PASK: variants seen among roughly 807,000 people sequenced by gnomAD.
PASK encodes PAS domain containing serine/threonine kinase, also known as PAS domain-containing serine/threonine-protein kinase.
PASK carries 110 observed loss-of-function variants against 121.0 expected under a neutral mutation model. That is an observed-to-expected ratio of 0.91 (90% CI 0.78 to 1.06). The LOEUF is 1.06. PASK is among the 50% of genes least tolerant of loss of function. PASK has a pLI of 0.00. For synonymous variants in PASK, 686 were observed against 717.8 expected, an observed-to-expected ratio of 0.96 and a Z score of 0.71; for missense variants, 1,643 against 1,702.3, an observed-to-expected ratio of 0.97 and a Z score of 0.61.
chr2:241,132,430 T>C (rs1014033863), intron 9 of PASK, among the ~76,000 whole-genome samples: 4 of 137,958 alleles, frequency 2.9e-5, no homozygotes, highest in Non-Finnish European at 6.0e-5. Context: ...GGCAGGAGAA[T>C]GGTGTGAACC....
rs1164184677 is a variant in PASK, at chr2:241,138,073, T to C, written c.756A>G (p.Ser252=). Residue 252 remains serine (S), a synonymous_variant, in exon 6 of 18, where the codon TCA becomes TCG. Transcript: ENST00000234040. ...GAAGATGAGCAAAGAGACTGTCACA[T>C]GACGTGACGGTGCCCTGGAGGAAAA... The part of the protein sequence containing the change: ...VAFQSDGTVT[S]CDSLFAHLHG... 7 of 1,614,124 alleles carry C rather than the reference T, an allele frequency of 4.3e-6. No individual in the cohort carries two copies. In the South Asian group the frequency reaches 6.6e-5, roughly 15 times the overall value.
chr2:241,133,023 C>G lies in PASK; in HGVS notation c.1314G>C (p.Arg438Ser). The G allele has an allele frequency of 6.2e-7, 1 of 1,614,042 alleles. No homozygotes were observed. The highest frequency in any genetic ancestry group is 2.2e-5 in the East Asian group (1 of 44,890). The stretch of plus-strand genomic sequence containing the variant: ...GGCCACCAGCAAGCACGACATTAAT[C>G]CTTGGATCTGGCAGCAACACCAAAA... ...QDPAEGGQDP[R>S]INVVLAGGHV... The change falls in exon 9 of 18, where the codon AGG becomes AGC. Residue 438 changes from arginine to serine, a missense_variant. Arg to Ser is a moderately radical substitution (Grantham distance 110). This residue lies in a region of PASK where 1,176 missense variants were observed against 1,162.2 expected (regional missense o/e 1.01). Transcript: ENST00000234040.
chr2:241,122,464 C>G (rs1395427066), intron 12 of PASK, among the ~76,000 whole-genome samples: 1 of 152,242 alleles, frequency 6.6e-6, no homozygotes, highest in Non-Finnish European at 1.5e-5. Context: ...GATGTGGGAT[C>G]TCAACACAAT....
rs768832046 is a variant in PASK, at chr2:241,124,071, G to A, written c.2782C>T (p.Leu928=). 2.5e-6 allele frequency: 4 copies of A among 1,613,676 alleles called. No homozygotes were observed. The highest frequency in any genetic ancestry group is 2.5e-6 in the Non-Finnish European group (3 of 1,179,888). Residue 928 remains leucine, a synonymous_variant, in exon 11 of 18, where the codon CTG becomes TTG. Transcript: ENST00000234040. ...QGPTPLFCCW[L]VKDLLHSQRD... is the part of the protein sequence containing the mutation. ...TGGCTGTGGAGGAGGTCTTTCACCA[G>A]CCAGCAGCAGAACAGAGGTGTGGGG... is the stretch of plus-strand genomic sequence containing the variant.
intron 8 of PASK, chr2:241,133,982 CAAAAAAA>C (rs371863045): frequency 1.7e-5 from 2 of 118,064 alleles, no homozygotes; most frequent in African/African-American, 3.3e-5. Context: ...AACTCTGTCT[CAAAAAAA>C]AAAAAAAAAA....
At chr2:241,137,883 C>T (rs75518795) in intron 6 of PASK, 70 bp downstream of exon 6, 625 of 1,555,512 alleles carry the variant, frequency 4.0e-4, no homozygotes, top group Non-Finnish European at 5.1e-4. Context: ...CCTTGGTCTG[C>T]GTCTCCAGTT....
At chr2:241,120,713 C>T (rs2065570694) in intron 12 of PASK, among the ~76,000 whole-genome samples, 2 of 152,196 alleles carry the variant, frequency 1.3e-5, no homozygotes, top group East Asian at 1.9e-4. Flanking sequence ...AACCCTTGTA[C>T]ACTGCTGATG....
rs56043607 is a variant in PASK, at chr2:241,126,341, C to T, written c.2574G>A (p.Thr858=). 15,802 of 1,614,222 alleles carry T rather than the reference C, an allele frequency of 9.8e-3. 104 individuals carry two copies. The highest frequency in any genetic ancestry group is 0.012 in the Non-Finnish European group (14,319 of 1,180,038). Residue 858 remains threonine, a synonymous_variant, in exon 10 of 18, where the codon ACG becomes ACA. Coordinates refer to ENST00000234040, the MANE Select transcript of PASK (RefSeq NM_015148.4). ...PSTLDAGPED[T]CPSAEEPRLN... is the part of the protein sequence containing the mutation. ...GCCTTGGCTCCTCTGCTGATGGGCA[C>T]GTGTCCTCAGGGCCAGCATCCAACG...
intron 15 of PASK, among the ~76,000 whole-genome samples, chr2:241,111,996 T>C (rs905022136): frequency 6.6e-6 from 1 of 152,216 alleles, no homozygotes; most frequent in African/African-American, 2.4e-5. Flanking sequence ...CTTTTTATTA[T>C]ATGAAACTCC....
rs1215302450 is a variant in PASK at position 241,115,265 on chromosome 2, A to G, written c.3198+23T>C. The G allele has an allele frequency of 2.5e-6, 4 of 1,613,840 alleles. No individual in the cohort carries two copies. In the African/African-American group the frequency reaches 4.0e-5, roughly 16 times the overall value. On this transcript the variant is annotated intron_variant, in intron 13 of 17. Coordinates refer to ENST00000234040, the MANE Select transcript of PASK (RefSeq NM_015148.4). ...CATTTGACATGAGCCAAGTTAGGGT[A>G]TCTCTGAAGAGGAAACCATCACCTT...
chr2:241,118,219 G>GAA lies in PASK; in HGVS notation c.3073-2808_3073-2807dup, dbSNP rs539550313. ...TCTCAAAATAGCCAAAACAAGCTTG[G>GAA]AAAAAAAAAAAACACAAAGTTGAAG... On this transcript the variant is annotated intron_variant, in intron 12 of 17. Coordinates refer to ENST00000234040, the MANE Select transcript of PASK (RefSeq NM_015148.4). Among the ~76,000 whole-genome samples, 57 of 137,416 alleles carry GAA rather than the reference G, an allele frequency of 4.1e-4. No individual in the cohort carries two copies. In the East Asian group the frequency reaches 9.1e-3, roughly 22 times the overall value. 90.2% of individuals were successfully genotyped at this position (137,416 alleles called of 152,430 possible).
rs550307180 is a variant in PASK, at chr2:241,141,453, C to A, written c.197-700G>T. 3.9e-5 allele frequency among the ~76,000 whole-genome samples: 6 copies of A among 152,274 alleles called. No homozygotes were observed. In the South Asian group the frequency reaches 1.2e-3, roughly 32 times the overall value. Reference sequence around the variant, plus strand: ...CTTGTGCAGCGTTCTCTCAGCAACGCCTCCAATGGCTCCCAAAACCCTCAG... The same window carrying A: ...CTTGTGCAGCGTTCTCTCAGCAACGACTCCAATGGCTCCCAAAACCCTCAG... On this transcript the variant is annotated intron_variant, in intron 2 of 17. Coordinates refer to ENST00000234040, the MANE Select transcript of PASK (RefSeq NM_015148.4).
At chr2:241,144,259 T>C (rs2066850488) in intron 1 of PASK, among the ~76,000 whole-genome samples, 1 of 152,222 alleles carries the variant, frequency 6.6e-6, no homozygotes, top group South Asian at 2.1e-4. Flanking sequence ...ATCCTGCATA[T>C]TGGCAAGCAC....
chr2:241,115,518 C>G lies in PASK; in HGVS notation c.3073-105G>C, dbSNP rs1446865385. The stretch of plus-strand genomic sequence containing the variant: ...CAAGCATCCCATTACACCAGGGCCA[C>G]CCGGTCCTCAAGCATCCCATTACAC... On this transcript the variant is annotated intron_variant, in intron 12 of 17. Transcript: ENST00000234040. 3.0e-6 allele frequency: 4 copies of G among 1,351,638 alleles called. No individual in the cohort carries two copies. In the Admixed American group the frequency reaches 7.1e-5, roughly 24 times the overall value. 83.7% of individuals were successfully genotyped at this position (1,351,638 alleles called of 1,614,324 possible).
intron 9 of PASK, among the ~76,000 whole-genome samples, chr2:241,132,527 T>TAAAAAAAAAA (rs71049553): frequency 3.0e-4 from 12 of 39,532 alleles, no homozygotes; most frequent in African/African-American, 9.0e-4. Flanking sequence ...AGACTCTGTC[T>TAAAAAAAAAA]AAAAAAAAAA....
At position 241,106,449 on chromosome 2, in the gene PASK, T is replaced by G. The variant is rs1262708860; in HGVS notation, c.*117A>C. On this transcript the variant is annotated 3_prime_UTR_variant, in exon 18 of 18. Transcript: ENST00000234040. The stretch of plus-strand genomic sequence containing the variant: ...TTCTGGTGTTTATCAAACCTGCACA[T>G]GAGTTTTTAGAAGGTGAATTGGGGA... 3 of 1,013,204 alleles carry G rather than the reference T, an allele frequency of 3.0e-6. No homozygotes were observed. The highest frequency in any genetic ancestry group is 4.7e-6 in the Non-Finnish European group (3 of 638,954). 62.8% of individuals were successfully genotyped at this position (1,013,204 alleles called of 1,614,324 possible).
intron 12 of PASK, chr2:241,119,039 C>A: frequency 1.5e-6 from 1 of 651,022 alleles, no homozygotes; most frequent in Non-Finnish European, 1.9e-6. Flanking sequence ...CCCTGAGGCC[C>A]ACCCCAGAGG....
chr2:241,141,233 G>A (rs930590204), intron 2 of PASK, among the ~76,000 whole-genome samples: 1 of 152,224 alleles, frequency 6.6e-6, no homozygotes, highest in Non-Finnish European at 1.5e-5. Flanking sequence ...ACTGCAGCGA[G>A]CTATGACTGC....
chr2:241,132,939 C>A lies in PASK; in HGVS notation c.1398G>T (p.Gly466=). 1.2e-6 allele frequency: 2 copies of A among 1,614,042 alleles called. No homozygotes were observed. The highest frequency in any genetic ancestry group is 1.7e-6 in the Non-Finnish European group (2 of 1,179,922). The change falls in exon 9 of 18, where the codon GGG becomes GGT. Residue 466 remains glycine, a synonymous_variant. Coordinates refer to ENST00000234040, the MANE Select transcript of PASK (RefSeq NM_015148.4). The stretch of plus-strand genomic sequence containing the variant: ...CTCCAGCAATCAGCTCAGTCTGAGT[C>A]CCGGTGAAGATGTCTTGGCTTTCCA... ...KLMESQDIFT[G]TQTELIAGGQ... is the part of the protein sequence containing the mutation.
Sources: allele counts gnomAD v4.1 joint callset (sites outside exome capture counted in the v4.1 genomes callset), GRCh38; gene constraint gnomAD v4.1.1; regional missense constraint gnomAD v4.1.1; transcripts MANE v1.5; gene names NCBI Gene and HGNC (gene_info 2026-07-23, HGNC 2026-07-21).